Variants in CNTN5 observed in about 807,000 individuals in gnomAD.
The protein encoded by CNTN5 is contactin-5.
Under a neutral mutation model 129.1 loss-of-function variants are expected in CNTN5, and 77 were observed. The ratio of observed to expected loss-of-function variants is 0.60; its 90% CI spans 0.50 to 0.72. CNTN5 has a LOEUF of 0.72. Ranked by LOEUF, CNTN5 falls within the 30% of genes least tolerant of loss-of-function variation. CNTN5 has a pLI of 0.00. For synonymous variants in CNTN5, 509 were observed against 465.6 expected, an observed-to-expected ratio of 1.09 and a Z score of -1.20; for missense variants, 1,478 against 1,328.8, an observed-to-expected ratio of 1.11 and a Z score of -1.75.
At chr11:100,145,537 T>A (rs969782027) in intron 13 of CNTN5, among the ~76,000 whole-genome samples, 5 of 152,190 alleles carry the variant, frequency 3.3e-5, no homozygotes, top group African/African-American at 1.2e-4. Context: ...CAGGAGCCTC[T>A]GGGGAATCAT....
chr11:99,088,556 A>G (rs1221215876), intron 1 of CNTN5, among the ~76,000 whole-genome samples: 1 of 152,158 alleles, frequency 6.6e-6, no homozygotes, highest in Non-Finnish European at 1.5e-5. Context: ...GATTCACCAA[A>G]GGCTAATGAA....
chr11:99,507,246 G>A (rs760977636), intron 2 of CNTN5, among the ~76,000 whole-genome samples: 145 of 151,786 alleles, frequency 9.6e-4, no homozygotes, highest in Non-Finnish European at 4.1e-4. Flanking sequence ...GCATGGTGGT[G>A]CGCACCTGTA....
At chr11:99,556,741 C>T (rs897106354) in intron 3 of CNTN5, among the ~76,000 whole-genome samples, 3 of 150,294 alleles carry the variant, frequency 2.0e-5, no homozygotes, top group Non-Finnish European at 3.0e-5. Context: ...ATCAGGTTAG[C>T]TTTATTATAT....
intron 1 of CNTN5, among the ~76,000 whole-genome samples, chr11:99,177,011 A>AGGT (rs1565379260): frequency 3.4e-4 from 51 of 152,006 alleles, no homozygotes; most frequent in Admixed American, 3.3e-3. Flanking sequence ...TGACCTTCCC[A>AGGT]CTGTAAATCA....
At chr11:99,708,227 C>T (rs1204670094) in intron 3 of CNTN5, among the ~76,000 whole-genome samples, 5 of 151,604 alleles carry the variant, frequency 3.3e-5, no homozygotes, top group African/African-American at 1.2e-4. Flanking sequence ...AAAATAAATC[C>T]TGCTGCAGAA....
At chr11:99,155,216 G>C (rs1860274556) in intron 1 of CNTN5, among the ~76,000 whole-genome samples, 1 of 152,160 alleles carries the variant, frequency 6.6e-6, no homozygotes, top group Non-Finnish European at 1.5e-5. Flanking sequence ...CCCAGCATCT[G>C]TGTCCTCGCT....
intron 3 of CNTN5, among the ~76,000 whole-genome samples, chr11:99,719,369 G>A (rs1410795348): frequency 1.3e-5 from 2 of 151,418 alleles, no homozygotes; most frequent in Non-Finnish European, 2.9e-5. Flanking sequence ...TATTTAAGAA[G>A]GCCACTCTTT....
intron 1 of CNTN5, among the ~76,000 whole-genome samples, chr11:99,210,676 T>G (rs1314142394): frequency 6.6e-6 from 1 of 152,166 alleles, no homozygotes; most frequent in Non-Finnish European, 1.5e-5. Flanking sequence ...AATTTTTGTT[T>G]AAATCAAATC....
chr11:100,077,797 AC>A (rs1944193321), intron 13 of CNTN5, among the ~76,000 whole-genome samples: 1 of 152,130 alleles, frequency 6.6e-6, no homozygotes, highest in Non-Finnish European at 1.5e-5. Context: ...TAATCATACC[AC>A]TGAGCTCCAG....
intron 1 of CNTN5, among the ~76,000 whole-genome samples, chr11:99,200,815 C>T (rs1859133279): frequency 6.6e-6 from 1 of 152,070 alleles, no homozygotes. Flanking sequence ...CCCAGAGGCC[C>T]ACAGAGGTGA....
At position 100,191,120 on chromosome 11, in the gene CNTN5, T is replaced by G; in HGVS notation, c.1581-6T>G. 1.3e-6 allele frequency: 2 copies of G among 1,577,944 alleles called. No homozygotes were observed. Among genetic ancestry groups the G allele is most frequent in the East Asian group, 2.3e-5 (1 of 44,396 alleles). On this transcript the variant is annotated splice_polypyrimidine_tract_variant and splice_region_variant and intron_variant, in intron 13 of 24. Coordinates refer to ENST00000524871, the MANE Select transcript of CNTN5 (RefSeq NM_014361.4). ...GAAAAAAAAACTGTTTTTAAATAAT[T>G]TTCAGAATAGCTATTCTTCCAGACG...
chr11:99,379,211 A>C (rs1940373351), intron 2 of CNTN5, among the ~76,000 whole-genome samples: 1 of 147,432 alleles, frequency 6.8e-6, no homozygotes, highest in Non-Finnish European at 1.5e-5. Flanking sequence ...TATCACCAGT[A>C]CCAAAAATAA....
At chr11:100,035,958 G>T (rs1409713905) in intron 9 of CNTN5, among the ~76,000 whole-genome samples, 1 of 152,132 alleles carries the variant, frequency 6.6e-6, no homozygotes, top group Admixed American at 6.5e-5. Flanking sequence ...CTGTGCAGAA[G>T]CTCTTTAGTT....
chr11:99,909,637 A>G (rs1949602553), intron 6 of CNTN5, among the ~76,000 whole-genome samples: 1 of 152,156 alleles, frequency 6.6e-6, no homozygotes, highest in African/African-American at 2.4e-5. Flanking sequence ...CAGCCATAAA[A>G]AGTATGAGTT....
At chr11:100,236,650 T>G (rs1484621115) in intron 16 of CNTN5, among the ~76,000 whole-genome samples, 1 of 152,122 alleles carries the variant, frequency 6.6e-6, no homozygotes, top group Non-Finnish European at 1.5e-5. Flanking sequence ...CAGTCTCCAC[T>G]AGCTGACATG....
At chr11:99,989,731 A>C (rs7119995) in intron 8 of CNTN5, among the ~76,000 whole-genome samples, 60,949 of 151,954 alleles carry the variant, frequency 0.4, 13,146 homozygotes, top group African/African-American at 0.57. Flanking sequence ...GTAAATATTT[A>C]ACCCTTTGTT....
intron 21 of CNTN5, among the ~76,000 whole-genome samples, chr11:100,315,095 T>C (rs1420397533): frequency 6.6e-6 from 1 of 152,144 alleles, no homozygotes; most frequent in African/African-American, 2.4e-5. Context: ...GATCCTAACT[T>C]CTGGTAGCTC....
At chr11:99,295,194 C>G (rs1168930736) in intron 1 of CNTN5, among the ~76,000 whole-genome samples, 1 of 152,056 alleles carries the variant, frequency 6.6e-6, no homozygotes, top group Non-Finnish European at 1.5e-5. Flanking sequence ...AACCGAACCA[C>G]CAAAAAACAA....
chr11:99,484,521 A>T (rs886535949), intron 2 of CNTN5, among the ~76,000 whole-genome samples: 4 of 152,202 alleles, frequency 2.6e-5, no homozygotes, highest in Non-Finnish European at 5.9e-5. Context: ...TAGCAATGCC[A>T]CTACTGGGTA....
Sources: gnomAD v4.1 joint callset for allele counts (sites outside exome capture counted in the v4.1 genomes callset) on GRCh38, gnomAD v4.1.1 for gene constraint, MANE v1.5 for transcripts, NCBI Gene and HGNC (gene_info 2026-07-23, HGNC 2026-07-21) for gene names.